The following ANK3 variants were observed in gnomAD, a reference collection of about 807,000 sequenced individuals.
ANK3 encodes ankyrin 3.
A neutral mutation model predicts 370.9 loss-of-function variants in ANK3; 57 were observed. That is an observed-to-expected ratio of 0.15 (90% CI 0.12 to 0.19). ANK3 has a LOEUF of 0.19. Among genes scored for constraint, ANK3 ranks in the 10% least tolerant of loss-of-function variants. ANK3 has a pLI of 1.00. For missense variants in ANK3, 4,439 were observed against 5,302.1 expected (o/e 0.84, Z 5.06); for synonymous variants, 1,929 against 1,946.3 (o/e 0.99, Z 0.23).
chr10:60,371,467 A>C (rs1159490352), intron 1 of ANK3, among the ~76,000 whole-genome samples: 1 of 152,146 alleles, frequency 6.6e-6, no homozygotes, highest in Non-Finnish European at 1.5e-5. Flanking sequence ...CCAGTTCCCA[A>C]GGGACTGGAA....
intron 2 of ANK3, among the ~76,000 whole-genome samples, chr10:60,529,207 G>A (rs1473203951): frequency 2.0e-5 from 3 of 152,140 alleles, no homozygotes; most frequent in African/African-American, 7.2e-5. Context: ...TGTCTGCAAA[G>A]TGCCAGAAAC....
At chr10:60,044,084 C>G (rs978749807) in intron 42 of ANK3, 2 of 985,698 alleles carry the variant, frequency 2.0e-6, no homozygotes, top group Non-Finnish European at 2.4e-6. Flanking sequence ...CACATCATCA[C>G]GTTTTCTCTC....
At chr10:60,336,942 C>T (rs184672605) in intron 1 of ANK3, among the ~76,000 whole-genome samples, 17 of 152,186 alleles carry the variant, frequency 1.1e-4, no homozygotes, top group Admixed American at 7.2e-4. Flanking sequence ...TGAACTGACC[C>T]CTGAACCTGC....
rs756243316 is a variant in ANK3 at position 60,196,535 on chromosome 10, C to A, written c.1780G>T (p.Ala594Ser). ...GGCTGGTGACCTCTTACCTTCCCAG[C>A]AGCATCTGGAGATGCACTTTTCTGT... ...LLQKSASPDA[A>S]GKSGLTPLHV... The change falls in exon 15 of 44, where the codon GCT becomes TCT. Residue 594 changes from alanine (A) to serine (S), a missense_variant. By Grantham distance (99) the Ala-to-Ser change is moderately conservative. This residue lies in a region of ANK3 where 192 missense variants were observed against 192.1 expected (regional missense o/e 1.00). Coordinates refer to ENST00000280772, the MANE Select transcript of ANK3 (RefSeq NM_020987.5). 1.9e-6 allele frequency: 3 copies of A among 1,610,466 alleles called. No individual in the cohort carries two copies. The highest frequency in any genetic ancestry group is 1.1e-5 in the South Asian group (1 of 90,666).
chr10:60,639,603 G>C (rs1286711076), intron 1 of ANK3, among the ~76,000 whole-genome samples: 1 of 151,780 alleles, frequency 6.6e-6, no homozygotes, highest in Non-Finnish European at 1.5e-5. Context: ...GTACACTGTT[G>C]TAAGATTCTT....
intron 4 of ANK3, among the ~76,000 whole-genome samples, chr10:60,275,294 G>A (rs547581685): frequency 6.6e-6 from 1 of 152,212 alleles, no homozygotes; most frequent in Non-Finnish European, 1.5e-5. Context: ...AATGTTTATA[G>A]TGGTGCTATT....
intron 1 of ANK3, among the ~76,000 whole-genome samples, chr10:60,650,343 A>T (rs2078769611): frequency 1.4e-5 from 2 of 145,768 alleles, no homozygotes; most frequent in Admixed American, 1.4e-4. Flanking sequence ...TGAATAGCTC[A>T]CAAAGTACTA....
rs1589897735 is a variant in ANK3 at position 60,094,510 on chromosome 10, A to G, written c.3329-6152T>C. ...CGCCCAGCCTCTCTGGTTTCTTATA[A>G]CCAGGTTTCATCCTGTTTGTGTGCT... On this transcript the variant is annotated intron_variant, in intron 28 of 43. Coordinates refer to ENST00000280772, the MANE Select transcript of ANK3 (RefSeq NM_020987.5). Among the ~76,000 whole-genome samples, 4 of 152,116 alleles carry G rather than the reference A, an allele frequency of 2.6e-5. 1 individual carries two copies. The highest frequency in any genetic ancestry group is 2.6e-4 in the Admixed American group (4 of 15,272).
At position 60,071,065 on chromosome 10, in the gene ANK3, A is replaced by G. The variant is rs1471976669; in HGVS notation, c.9816T>C (p.His3272=). Residue 3272 remains histidine, a synonymous_variant, in exon 37 of 44, where the codon CAT becomes CAC. Transcript: ENST00000280772. ...TGTCAACCTCTTTTTCTGGGAGATA[A>G]TGATGCTTCTTATCTGACTCAATCT... is the stretch of plus-strand genomic sequence containing the variant. The part of the protein sequence containing the change: ...ADQIESDKKH[H]YLPEKEVDMI... 1.9e-6 allele frequency: 3 copies of G among 1,614,158 alleles called. No homozygotes were observed. The highest frequency in any genetic ancestry group is 2.5e-6 in the Non-Finnish European group (3 of 1,180,006).
At chr10:60,157,237 A>G (rs1218207842) in intron 23 of ANK3, among the ~76,000 whole-genome samples, 1 of 151,354 alleles carries the variant, frequency 6.6e-6, no homozygotes, top group African/African-American at 2.4e-5. Flanking sequence ...GGGTTTCCCC[A>G]TGTTGGTCAG....
At chr10:60,278,690 A>G in intron 4 of ANK3, 84 bp downstream of exon 4, 1 of 1,047,632 alleles carries the variant, frequency 9.5e-7, no homozygotes, top group Non-Finnish European at 1.5e-6. Context: ...CTTAGAGGAT[A>G]TGTGAACTAA....
intron 2 of ANK3, among the ~76,000 whole-genome samples, chr10:60,489,199 T>C (rs2075427294): frequency 6.6e-6 from 1 of 152,204 alleles, no homozygotes; most frequent in Non-Finnish European, 1.5e-5. Context: ...AGTTACCCTG[T>C]GCCAAGATAG....
Position 60,389,595 on chromosome 10 carries a change from C to T in ANK3, c.-57G>A. 11 of 1,600,202 alleles carry T rather than the reference C, an allele frequency of 6.9e-6. No individual in the cohort carries two copies. Among genetic ancestry groups the T allele is most frequent in the Non-Finnish European group, 9.4e-6 (11 of 1,175,464 alleles). On this transcript the variant is annotated 5_prime_UTR_variant, in exon 1 of 44. Coordinates refer to ENST00000280772, the MANE Select transcript of ANK3 (RefSeq NM_020987.5). ...ACGGCTTCCTTGTAAAAGGTGATAT[C>T]CTCAGGCACCTCTAATCAGGCTTAC...
intron 42 of ANK3, chr10:60,051,683 T>G (rs2078046245): frequency 5.1e-6 from 2 of 394,416 alleles, no homozygotes; most frequent in Non-Finnish European, 6.8e-6. Context: ...TTTTTTTTTT[T>G]GCCGACTAAA....
chr10:60,569,439 C>G (rs974249914), intron 2 of ANK3, among the ~76,000 whole-genome samples: 22 of 152,170 alleles, frequency 1.4e-4, no homozygotes, highest in African/African-American at 5.1e-4. Flanking sequence ...ATTACAAGAG[C>G]ACCCAGGTCT....
At chr10:60,535,930 T>TA (rs34500562) in intron 2 of ANK3, among the ~76,000 whole-genome samples, 73,950 of 148,688 alleles carry the variant, frequency 0.5, 18,366 homozygotes, top group Middle Eastern at 0.54. Flanking sequence ...AACCTCCAGC[T>TA]AAAAAAAAAA....
intron 2 of ANK3, among the ~76,000 whole-genome samples, chr10:60,493,327 G>GCACGTGGGGAGCAT (rs1477125049): frequency 6.6e-6 from 1 of 152,088 alleles, no homozygotes; most frequent in African/African-American, 2.4e-5. Context: ...GTGGGGAGCA[G>GCACGTGGGGAGCAT]CATGAGTGGA....
Position 60,068,981 on chromosome 10 carries a change from G to A in ANK3, c.11900C>T (p.Thr3967Ile). 1 of 1,613,832 alleles carries A rather than the reference G, an allele frequency of 6.2e-7. No homozygotes were observed. Among genetic ancestry groups the A allele is most frequent in the Non-Finnish European group, 8.5e-7 (1 of 1,179,932 alleles). ...TCVTTTTTTA[T>I]TTTTTTTTTT... ...GGTAGTGGTGGTAGTGGTGGTGGTG[G>A]TGGCAGTGGTGGTGGTGGTAGTGAC... Residue 3967 changes from threonine to isoleucine, a missense_variant, in exon 37 of 44, where the codon ACC (threonine) becomes ATC (isoleucine). Around this residue, in one of 13 missense-constraint regions of ANK3, gnomAD observed 496 missense variants for 529.3 expected, o/e 0.94. Coordinates refer to ENST00000280772, the MANE Select transcript of ANK3 (RefSeq NM_020987.5).
chr10:60,353,199 C>G (rs190762022), intron 1 of ANK3, among the ~76,000 whole-genome samples: 2 of 142,428 alleles, frequency 1.4e-5, no homozygotes, highest in Non-Finnish European at 3.1e-5. Context: ...CACTATGTTG[C>G]GCAGGCTGGT....
Sources: allele counts gnomAD v4.1 joint callset (sites outside exome capture counted in the v4.1 genomes callset), GRCh38; gene constraint gnomAD v4.1.1; regional missense constraint gnomAD v4.1.1; transcripts MANE v1.5; gene names NCBI Gene and HGNC (gene_info 2026-07-23, HGNC 2026-07-21).